GORASP1: variants seen among roughly 807,000 people sequenced by gnomAD.
The protein encoded by GORASP1 is Golgi reassembly-stacking protein 1.
Under a neutral mutation model 37.7 loss-of-function variants are expected in GORASP1, and 31 were observed. That is an observed-to-expected ratio of 0.82 (90% CI 0.62 to 1.11). GORASP1 has a LOEUF of 1.11. Ranked by LOEUF, GORASP1 falls within the 50% of genes least tolerant of loss-of-function variation. The pLI, the probability that GORASP1 is intolerant of heterozygous loss-of-function variation, is 0.00. For missense variants in GORASP1, 476 were observed against 560.7 expected (o/e 0.85, Z 1.53); for synonymous variants, 204 against 224.8 (o/e 0.91, Z 0.83).
In GORASP1 at chr3:39,098,419, C is replaced by T. The variant is rs6807342; in HGVS notation, c.1140G>A (p.Ala380=). ...GAAGAGTCAGCTGAGGCAGGTGGTC[C>T]GCCTGGGCTTGGGCACCTGGGCTGT... The part of the protein sequence containing the change: ...FLDSPGAQAQ[A]DHLPQLTLPD... Residue 380 remains alanine, a synonymous_variant, in exon 9 of 9, where the codon GCG becomes GCA. Transcript: ENST00000319283. The surrounding 1 kb of genome is among the most constrained non-coding windows in gnomAD (Gnocchi z 4.7). 8.7e-3 allele frequency: 14,111 copies of T among 1,614,116 alleles called. 935 individuals carry two copies. In the African/African-American group the frequency reaches 0.15, roughly 18 times the overall value.
chr3:39,098,274 C>A lies in GORASP1; in HGVS notation c.1285G>T (p.Gly429Trp), dbSNP rs780763779. The change falls in exon 9 of 9, where the codon GGG becomes TGG. Residue 429 changes from glycine (G) to tryptophan (W), a missense_variant. Gly to Trp is a radical substitution (Grantham distance 184). Transcript: ENST00000319283. This position sits in a 1 kb window ranked among gnomAD's most constrained non-coding sequence, Gnocchi z 4.7. ...EGLDTGTEAE[G>W]LDSQAQISTT... is the part of the protein sequence containing the mutation. ...GAGATCTGGGCCTGGCTGTCCAGCC[C>A]CTCAGCCTCCGTCCCAGTATCTAGG... The A allele has an allele frequency of 1.2e-6, 2 of 1,614,164 alleles. No individual in the cohort carries two copies. The highest frequency in any genetic ancestry group is 1.7e-6 in the Non-Finnish European group (2 of 1,180,034).
At position 39,098,956 on chromosome 3, in the gene GORASP1, T is replaced by G. The variant is rs2035520913; in HGVS notation, c.917-63A>C. 2.5e-6 allele frequency: 4 copies of G among 1,595,552 alleles called. No individual in the cohort carries two copies. The highest frequency in any genetic ancestry group is 1.7e-5 in the Admixed American group (1 of 57,932). The stretch of plus-strand genomic sequence containing the variant: ...CCCTGACTGCTGGAAAGCAGCACCC[T>G]GGGCTCACCTTGCCTAGGGCATCTG... On this transcript the variant is annotated intron_variant, in intron 7 of 8. Transcript: ENST00000319283. This position sits in a 1 kb window ranked among gnomAD's most constrained non-coding sequence, Gnocchi z 4.7.
chr3:39,098,558 C>T lies in GORASP1; in HGVS notation c.1070-69G>A. On this transcript the variant is annotated intron_variant, in intron 8 of 8. Coordinates refer to ENST00000319283, the MANE Select transcript of GORASP1 (RefSeq NM_031899.4). This position sits in a 1 kb window ranked among gnomAD's most constrained non-coding sequence, Gnocchi z 4.7. Reference sequence around the variant, plus strand: ...GGGCCATGGTGTTAGGGCCAGTAACCCCACCGACCGCTCCCCATTGCCACT... The same window carrying T: ...GGGCCATGGTGTTAGGGCCAGTAACTCCACCGACCGCTCCCCATTGCCACT... The T allele has an allele frequency of 6.5e-7, 1 of 1,544,822 alleles. No individual in the cohort carries two copies. The highest frequency in any genetic ancestry group is 1.3e-5 in the South Asian group (1 of 79,862).
rs997125855 is a variant in GORASP1 at position 39,102,941 on chromosome 3, C to A, written c.145-60G>T. 1 of 1,520,490 alleles carries A rather than the reference C, an allele frequency of 6.6e-7. No homozygotes were observed. Among genetic ancestry groups the A allele is most frequent in the Non-Finnish European group, 9.1e-7 (1 of 1,094,790 alleles). The allele number at this position is 1,520,490 out of a possible 1,614,324, so 94.2% of individuals were successfully genotyped here. A position where few individuals can be genotyped will look rare whatever the true frequency, so the allele number is the denominator to read the frequency against. ...TCATGCCCAGGCTAGGACCCTCAGA[C>A]AAGTCTGGGCCTGAGATGGGGCAAG... On this transcript the variant is annotated intron_variant, in intron 2 of 8. Transcript: ENST00000319283. This position sits in a 1 kb window ranked among gnomAD's most constrained non-coding sequence, Gnocchi z 5.0.
Position 39,096,731 on chromosome 3 carries a change from A to C in GORASP1, c.*1505T>G, listed in dbSNP as rs909875607. 6.6e-6 allele frequency: 1 copy of C among 152,248 alleles called. No individual in the cohort carries two copies. Among genetic ancestry groups the C allele is most frequent in the Non-Finnish European group, 1.5e-5 (1 of 68,052 alleles). 9.4% of individuals were successfully genotyped at this position (152,248 alleles called of 1,614,324 possible). Reference sequence around the variant, plus strand: ...TTTCATAGCAGATTACAGAGAAAGAAAGAAACCTCTGGTTTCATGTTCTCC... The same window carrying C: ...TTTCATAGCAGATTACAGAGAAAGACAGAAACCTCTGGTTTCATGTTCTCC... On this transcript the variant is annotated 3_prime_UTR_variant, in exon 9 of 9. Transcript: ENST00000319283.
intron 1 of GORASP1, among the ~76,000 whole-genome samples, chr3:39,104,439 G>A (rs1362391383): frequency 6.6e-6 from 1 of 152,190 alleles, no homozygotes; most frequent in Non-Finnish European, 1.5e-5. Flanking sequence ...TGCAGGCTTT[G>A]TCCCAAGGCC....
Position 39,103,407 on chromosome 3 carries a change from G to T in GORASP1, c.144+66C>A. 1 of 1,369,588 alleles carries T rather than the reference G, an allele frequency of 7.3e-7. No individual in the cohort carries two copies. Among genetic ancestry groups the T allele is most frequent in the Non-Finnish European group, 1.0e-6 (1 of 984,526 alleles). 84.8% of individuals were successfully genotyped at this position (1,369,588 alleles called of 1,614,324 possible). On this transcript the variant is annotated intron_variant, in intron 2 of 8. Coordinates refer to ENST00000319283, the MANE Select transcript of GORASP1 (RefSeq NM_031899.4). The surrounding 1 kb of genome is among the most constrained non-coding windows in gnomAD (Gnocchi z 5.2). The stretch of plus-strand genomic sequence containing the variant: ...AGGGAAGGGTAGACTGGGGCCCCCT[G>T]TGGGACAGATGAAGACACACAAACA...
rs996544915 is a variant in GORASP1, at chr3:39,100,618, C to G, written c.567-115G>C. 4 of 1,472,934 alleles carry G rather than the reference C, an allele frequency of 2.7e-6. No individual in the cohort carries two copies. The highest frequency in any genetic ancestry group is 3.7e-6 in the Non-Finnish European group (4 of 1,092,176). The allele number at this position is 1,472,934 out of a possible 1,614,324, so 91.2% of individuals were successfully genotyped here. ...GCTGAAAAGGGTACTTCTGAAATAC[C>G]GGTCAGCCTCAGGATCCCTGGGCCC... On this transcript the variant is annotated intron_variant, in intron 5 of 8. Transcript: ENST00000319283. This position sits in a 1 kb window ranked among gnomAD's most constrained non-coding sequence, Gnocchi z 4.6.
Position 39,103,425 on chromosome 3 carries a change from C to T in GORASP1, c.144+48G>A, listed in dbSNP as rs767881415. ...GCCCCCTGTGGGACAGATGAAGACA[C>T]ACAAACACACATAAGCAAGCAAAGC... On this transcript the variant is annotated intron_variant, in intron 2 of 8. Coordinates refer to ENST00000319283, the MANE Select transcript of GORASP1 (RefSeq NM_031899.4). The surrounding 1 kb of genome is among the most constrained non-coding windows in gnomAD (Gnocchi z 5.2). The T allele has an allele frequency of 6.6e-7, 1 of 1,513,634 alleles. No individual in the cohort carries two copies. The highest frequency in any genetic ancestry group is 1.8e-5 in the Admixed American group (1 of 54,960). The allele number at this position is 1,513,634 out of a possible 1,614,324, so 93.8% of individuals were successfully genotyped here.
At position 39,098,739 on chromosome 3, in the gene GORASP1, A is replaced by T. The variant is rs766784859; in HGVS notation, c.1069+2T>A. On this transcript the variant is annotated splice_donor_variant, in intron 8 of 8. Transcript: ENST00000319283. LOFTEE classifies it high-confidence loss of function. The surrounding 1 kb of genome is among the most constrained non-coding windows in gnomAD (Gnocchi z 4.7). ...GGACTTCGGAAGGTGATGGCCACTC[A>T]CCACCCCGCTCATGAGAACTGCTGC... 2.5e-6 allele frequency: 4 copies of T among 1,613,468 alleles called. No individual in the cohort carries two copies.
At position 39,097,511 on chromosome 3, in the gene GORASP1, T is replaced by G. The variant is rs2035413198; in HGVS notation, c.*725A>C. 2 of 152,170 alleles carry G rather than the reference T, an allele frequency of 1.3e-5. No individual in the cohort carries two copies. Among genetic ancestry groups the G allele is most frequent in the Admixed American group, 1.3e-4 (2 of 15,272 alleles). The allele number at this position is 152,170 out of a possible 1,614,324, so 9.4% of individuals were successfully genotyped here. On this transcript the variant is annotated 3_prime_UTR_variant, in exon 9 of 9. Transcript: ENST00000319283. ...ACTGGCTTTGAGAAATTGCTTAGGG[T>G]GTTGAACTTAAATTTGTGACTTTTA...
At position 39,098,800 on chromosome 3, in the gene GORASP1, G is replaced by A; in HGVS notation, c.1010C>T (p.Ala337Val). ...GTCCTCTGGCCCTGAGGTTGAGACA[G>A]CTGTGGTGGTCAGTTCTGTGGAAGA... Reference protein sequence around the residue: ...LPSSTELTTTAVSTSGPEDIC... With the variant: ...LPSSTELTTTVVSTSGPEDIC... The change falls in exon 8 of 9, where the codon GCT becomes GTT. Residue 337 changes from alanine (A) to valine (V), a missense_variant. Physicochemically the swap from Ala to Val is moderately conservative, Grantham distance 64. Transcript: ENST00000319283. This position sits in a 1 kb window ranked among gnomAD's most constrained non-coding sequence, Gnocchi z 4.7. 6.2e-7 allele frequency: 1 copy of A among 1,614,188 alleles called. No homozygotes were observed. The highest frequency in any genetic ancestry group is 1.7e-5 in the Admixed American group (1 of 60,026).
Position 39,103,034 on chromosome 3 carries a change from G to A in GORASP1, c.145-153C>T. ...TGGGCCAAGGTAGTGGATGGGCCAGGTTCACAGACCAGGGTTGAGCCTGCA... is the reference window on the plus strand; with the variant it reads ...TGGGCCAAGGTAGTGGATGGGCCAGATTCACAGACCAGGGTTGAGCCTGCA... On this transcript the variant is annotated intron_variant, in intron 2 of 8. Coordinates refer to ENST00000319283, the MANE Select transcript of GORASP1 (RefSeq NM_031899.4). This position sits in a 1 kb window ranked among gnomAD's most constrained non-coding sequence, Gnocchi z 5.2. 5.5e-6 allele frequency: 4 copies of A among 728,508 alleles called. No individual in the cohort carries two copies. The highest frequency in any genetic ancestry group is 4.8e-5 in the South Asian group (3 of 62,540). The allele number at this position is 728,508 out of a possible 1,614,324, so 45.1% of individuals were successfully genotyped here. A position where few individuals can be genotyped will look rare whatever the true frequency, so the allele number is the denominator to read the frequency against.
intron 6 of GORASP1, among the ~76,000 whole-genome samples, chr3:39,099,870 A>G (rs2035586209): frequency 6.6e-6 from 1 of 152,212 alleles, no homozygotes; most frequent in Non-Finnish European, 1.5e-5. Context: ...TCCCTGGCCT[A>G]GACCCAAGGC....
chr3:39,107,622 T>G lies in GORASP1; in HGVS notation c.-81A>C, dbSNP rs1042634692. ...CCCGACGCCAGTAGCACCGACTCGCTCTCTCGGCGCTCGATTCCTGCGCCT... is the reference window on the plus strand; with the variant it reads ...CCCGACGCCAGTAGCACCGACTCGCGCTCTCGGCGCTCGATTCCTGCGCCT... On this transcript the variant is annotated 5_prime_UTR_variant, in exon 1 of 9. Coordinates refer to ENST00000319283, the MANE Select transcript of GORASP1 (RefSeq NM_031899.4). The G allele has an allele frequency of 2.2e-6, 3 of 1,363,716 alleles. No homozygotes were observed. Among genetic ancestry groups the G allele is most frequent in the East Asian group, 5.0e-5 (2 of 39,766 alleles). 84.5% of individuals were successfully genotyped at this position (1,363,716 alleles called of 1,614,324 possible).
intron 1 of GORASP1, among the ~76,000 whole-genome samples, chr3:39,104,985 C>T (rs1306150701): frequency 6.6e-6 from 1 of 152,206 alleles, no homozygotes; most frequent in Non-Finnish European, 1.5e-5. Flanking sequence ...CTCCAAATCA[C>T]TCCACGTCAG....
At position 39,103,880 on chromosome 3, in the gene GORASP1, G is replaced by A. The variant is rs1226679830; in HGVS notation, c.64-327C>T. On this transcript the variant is annotated intron_variant, in intron 1 of 8. Transcript: ENST00000319283. The surrounding 1 kb of genome is among the most constrained non-coding windows in gnomAD (Gnocchi z 5.2). ...AGGCCTGTGGGAATGCTGCTCTAGA[G>A]GGCTAGGCTAGGGTTGGCCGGAAAG... is the stretch of plus-strand genomic sequence containing the variant. Among the ~76,000 whole-genome samples the A allele has an allele frequency of 3.3e-5, 5 of 152,204 alleles. No individual in the cohort carries two copies. Among genetic ancestry groups the A allele is most frequent in the Non-Finnish European group, 7.3e-5 (5 of 68,030 alleles).
At chr3:39,106,689 A>T (rs1575471447) in intron 1 of GORASP1, among the ~76,000 whole-genome samples, 1 of 151,572 alleles carries the variant, frequency 6.6e-6, no homozygotes. Context: ...GGGGTCAGAG[A>T]CCCCCAGCCC....
At chr3:39,104,302 G>T (rs1173131011) in intron 1 of GORASP1, among the ~76,000 whole-genome samples, 2 of 152,180 alleles carry the variant, frequency 1.3e-5, no homozygotes, top group Non-Finnish European at 2.9e-5. Context: ...CCCATTTCCA[G>T]GGTGCTCCCT....
Sources: allele counts gnomAD v4.1 joint callset (sites outside exome capture counted in the v4.1 genomes callset), GRCh38; gene constraint gnomAD v4.1.1; non-coding constraint Gnocchi (gnomAD v3.1); transcripts MANE v1.5; gene names NCBI Gene and HGNC (gene_info 2026-07-23, HGNC 2026-07-21).